ALLC: variants seen among roughly 807,000 people sequenced by gnomAD.
ALLC encodes probable inactive allantoicase.
In ALLC, 40 loss-of-function variants were observed where a neutral mutation model predicts 45.0. That is an observed-to-expected ratio of 0.89 (90% CI 0.69 to 1.16). The LOEUF (loss-of-function observed/expected upper bound fraction) is 1.16, where lower values mean the gene tolerates loss of function less well. Ranked by LOEUF, ALLC falls within the 50% of genes most tolerant of loss-of-function variation. ALLC has a pLI of 0.00. For synonymous variants in ALLC, 176 were observed against 178.1 expected, an observed-to-expected ratio of 0.99 and a Z score of 0.09; for missense variants, 488 against 493.1, an observed-to-expected ratio of 0.99 and a Z score of 0.10.
At chr2:3,687,117 C>A (rs913137258) in intron 7 of ALLC, among the ~76,000 whole-genome samples, 1 of 150,346 alleles carries the variant, frequency 6.7e-6, no homozygotes. Flanking sequence ...TTTTTCTATA[C>A]CCAATTTATT....
chr2:3,671,333 A>G, intron 2 of ALLC, 143 bp downstream of exon 2: 2 of 880,526 alleles, frequency 2.3e-6, no homozygotes, highest in Non-Finnish European at 3.6e-6. Flanking sequence ...TTAGCGAGAA[A>G]GACTTCCAAA....
intron 10 of ALLC, among the ~76,000 whole-genome samples, chr2:3,700,765 A>C (rs749354507): frequency 3.9e-5 from 6 of 152,186 alleles, no homozygotes; most frequent in Non-Finnish European, 7.4e-5. Context: ...CCCCAGGGGC[A>C]TGTTCGCCCA....
intron 3 of ALLC, among the ~76,000 whole-genome samples, chr2:3,677,916 G>A (rs781373459): frequency 2.0e-5 from 3 of 152,200 alleles, no homozygotes; most frequent in African/African-American, 2.4e-5. Context: ...ACACTCCTGC[G>A]AGGATGCGTG....
chr2:3,693,754 G>A (rs1390234905), intron 7 of ALLC, among the ~76,000 whole-genome samples: 3 of 152,188 alleles, frequency 2.0e-5, no homozygotes, highest in Non-Finnish European at 2.9e-5. Context: ...GAAAGAGGCC[G>A]AGGTGGGCAG....
the ALLC span, among the ~76,000 whole-genome samples, chr2:3,651,418 T>C: frequency 3.7e-5 from 2 of 54,236 alleles, no homozygotes; most frequent in Non-Finnish European, 8.3e-5. Context: ...TGTGTGTGTG[T>C]GTGTGTGTGT....
intron 10 of ALLC, among the ~76,000 whole-genome samples, chr2:3,701,124 GA>G (rs1667817740): frequency 6.6e-6 from 1 of 152,284 alleles, no homozygotes; most frequent in East Asian, 1.9e-4. Context: ...TATGTCATAG[GA>G]AAATATTTTC....
intron 7 of ALLC, among the ~76,000 whole-genome samples, chr2:3,691,765 T>C (rs1667523964): frequency 6.6e-6 from 1 of 152,222 alleles, no homozygotes; most frequent in South Asian, 2.1e-4. Flanking sequence ...TTTGATCTTT[T>C]GAGGTAATAT....
chr2:3,700,961 G>T (rs1029999627), intron 10 of ALLC, among the ~76,000 whole-genome samples: 6 of 152,068 alleles, frequency 3.9e-5, no homozygotes, highest in African/African-American at 7.2e-5. Flanking sequence ...CTGAGCCCAC[G>T]ATTCCTATGA....
At chr2:3,693,616 A>G (rs1469265743) in intron 7 of ALLC, among the ~76,000 whole-genome samples, 1 of 152,242 alleles carries the variant, frequency 6.6e-6, no homozygotes, top group Non-Finnish European at 1.5e-5. Context: ...ATTTTTGTAC[A>G]CCTGACACTT....
At position 3,680,903 on chromosome 2, in the gene ALLC, T is replaced by C. The variant is rs1325092440; in HGVS notation, c.299-731T>C. ...CAGACATTGACATGGCAGATTCGCATCCAAGATGGAGTCACTTTGTCTCCA... is the reference window on the plus strand; with the variant it reads ...CAGACATTGACATGGCAGATTCGCACCCAAGATGGAGTCACTTTGTCTCCA... On this transcript the variant is annotated intron_variant, in intron 5 of 11. Coordinates refer to ENST00000252505, the MANE Select transcript of ALLC (RefSeq NM_018436.4). The surrounding 1 kb of genome is among the most constrained non-coding windows in gnomAD (Gnocchi z 4.0). Among the ~76,000 whole-genome samples, 1 of 152,238 alleles carries C rather than the reference T, an allele frequency of 6.6e-6. No homozygotes were observed. Among genetic ancestry groups the C allele is most frequent in the African/African-American group, 2.4e-5 (1 of 41,456 alleles).
chr2:3,675,672 C>T (rs1483669434), intron 3 of ALLC, among the ~76,000 whole-genome samples: 1 of 152,044 alleles, frequency 6.6e-6, no homozygotes, highest in Non-Finnish European at 1.5e-5. Flanking sequence ...TCACACGAGA[C>T]ACATATATTT....
At chr2:3,665,824 T>G (rs772235975) in intron 1 of ALLC, among the ~76,000 whole-genome samples, 4 of 152,232 alleles carry the variant, frequency 2.6e-5, no homozygotes, top group Non-Finnish European at 4.4e-5. Flanking sequence ...TTTGGGTATA[T>G]ACCCAGTAAT....
intron 1 of ALLC, among the ~76,000 whole-genome samples, chr2:3,669,334 C>T (rs1273202266): frequency 1.3e-5 from 2 of 152,092 alleles, no homozygotes; most frequent in East Asian, 1.9e-4. Context: ...ATTAGCCAGG[C>T]GTGGTGGCAG....
rs185493639 is a variant in ALLC, at chr2:3,672,906, G to T, written c.34-1169G>T. 4.6e-5 allele frequency among the ~76,000 whole-genome samples: 7 copies of T among 152,368 alleles called. No homozygotes were observed. In the East Asian group the frequency reaches 1.3e-3, roughly 29 times the overall value. On this transcript the variant is annotated intron_variant, in intron 2 of 11. Transcript: ENST00000252505. The stretch of plus-strand genomic sequence containing the variant: ...GCTGTGCTCAGAAGCAGTGTGTCTG[G>T]TACAGAAAGGGAAGACCCTGTGCCT...
intron 10 of ALLC, among the ~76,000 whole-genome samples, chr2:3,700,704 AG>A (rs1327040538): frequency 6.6e-6 from 1 of 152,248 alleles, no homozygotes; most frequent in African/African-American, 2.4e-5. Flanking sequence ...TCAGACAAAT[AG>A]AAATAGCAGC....
chr2:3,686,535 T>C (rs114817219), intron 7 of ALLC, among the ~76,000 whole-genome samples: 6,246 of 151,110 alleles, frequency 0.041, 491 homozygotes, highest in African/African-American at 0.14. Context: ...TGGATAGTAC[T>C]GTCATTTTAA....
At chr2:3,672,858 T>C (rs1666925247) in intron 2 of ALLC, among the ~76,000 whole-genome samples, 1 of 152,236 alleles carries the variant, frequency 6.6e-6, no homozygotes, top group African/African-American at 2.4e-5. Context: ...TTAAACATAA[T>C]GTGCAGAGGC....
At chr2:3,654,974 T>C (rs935788748), upstream of ALLC, among the ~76,000 whole-genome samples, 3 of 152,250 alleles carry the variant, frequency 2.0e-5, no homozygotes, top group African/African-American at 7.2e-5. Flanking sequence ...TCCCTGTGTC[T>C]GTGGTCAGTG....
chr2:3,649,354 G>A, the ALLC span, among the ~76,000 whole-genome samples: 2 of 150,900 alleles, frequency 1.3e-5, no homozygotes, highest in Non-Finnish European at 2.9e-5. Context: ...CCATTCTCCT[G>A]CCTCAGCCTC....
Sources: allele counts gnomAD v4.1 joint callset (sites outside exome capture counted in the v4.1 genomes callset), GRCh38; gene constraint gnomAD v4.1.1; non-coding constraint Gnocchi (gnomAD v3.1); transcripts MANE v1.5; gene names NCBI Gene and HGNC (gene_info 2026-07-23, HGNC 2026-07-21).